CACNA1B: variants seen among roughly 807,000 people sequenced by gnomAD.
CACNA1B encodes the protein calcium voltage-gated channel subunit alpha1 B.
CACNA1B carries 70 observed loss-of-function variants against 247.2 expected under a neutral mutation model. The ratio of observed to expected loss-of-function variants is 0.28; its 90% CI spans 0.23 to 0.35. The LOEUF (loss-of-function observed/expected upper bound fraction) is 0.35, where lower values mean the gene tolerates loss of function less well. Ranked by LOEUF, CACNA1B falls within the 10% of genes least tolerant of loss-of-function variation. The probability of loss-of-function intolerance (pLI) is 1.00; values close to 1 mark genes in which losing one functional copy is unlikely to be tolerated. For synonymous variants in CACNA1B, 1,231 were observed against 1,294.4 expected (o/e 0.95, Z 1.05); for missense variants, 2,367 against 3,197.4 (o/e 0.74, Z 6.26).
chr9:138,037,257 C>T (rs569728316), intron 20 of CACNA1B, among the ~76,000 whole-genome samples: 15 of 152,370 alleles, frequency 9.8e-5, no homozygotes, highest in Admixed American at 3.3e-4. Context: ...CTATTGTGGA[C>T]CGTGGCCTCT....
intron 19 of CACNA1B, 104 bp from the exon 20 acceptor site, chr9:138,024,851 C>A: frequency 2.5e-6 from 2 of 785,706 alleles, no homozygotes; most frequent in South Asian, 1.6e-5. Flanking sequence ...CCAGGCTGGT[C>A]TTGAACTCCT....
intron 39 of CACNA1B, among the ~76,000 whole-genome samples, chr9:138,112,082 C>A (rs1191106080): frequency 6.6e-6 from 1 of 152,188 alleles, no homozygotes. Flanking sequence ...CCTCCTAAAT[C>A]CTCATTGCCC....
intron 15 of CACNA1B, among the ~76,000 whole-genome samples, chr9:137,994,238 A>G (rs569226207): frequency 2.0e-5 from 3 of 152,234 alleles, no homozygotes; most frequent in African/African-American, 7.2e-5. Flanking sequence ...CACAGCCAAC[A>G]TAATACTGAA....
chr9:138,064,926 G>T (rs1366632327), intron 31 of CACNA1B, among the ~76,000 whole-genome samples: 1 of 152,250 alleles, frequency 6.6e-6, no homozygotes, highest in African/African-American at 2.4e-5. Flanking sequence ...TGAGAAGCTG[G>T]TTGGCTCGTG....
intron 36 of CACNA1B, among the ~76,000 whole-genome samples, chr9:138,093,692 A>T (rs1408524295): frequency 6.6e-6 from 1 of 151,978 alleles, no homozygotes; most frequent in African/African-American, 2.4e-5. Flanking sequence ...GTGACCTGAG[A>T]TCACGCCACT....
chr9:137,951,240 G>A (rs533954312), intron 6 of CACNA1B, among the ~76,000 whole-genome samples: 3 of 152,306 alleles, frequency 2.0e-5, no homozygotes, highest in African/African-American at 7.2e-5. Flanking sequence ...TTCTGGTTTC[G>A]GATCCAGGAA....
intron 20 of CACNA1B, among the ~76,000 whole-genome samples, chr9:138,035,885 T>A (rs990243274): frequency 6.6e-6 from 1 of 152,234 alleles, no homozygotes; most frequent in Non-Finnish European, 1.5e-5. Context: ...TTTAGTTATA[T>A]ATTGAAAGTT....
chr9:138,103,705 C>T (rs1013379060), intron 38 of CACNA1B, among the ~76,000 whole-genome samples: 4 of 152,248 alleles, frequency 2.6e-5, no homozygotes, highest in East Asian at 1.9e-4. Flanking sequence ...CTCCGGCAAA[C>T]GGCCTGTGGT....
chr9:138,000,011 T>G (rs1039719154), intron 15 of CACNA1B, among the ~76,000 whole-genome samples: 15 of 151,276 alleles, frequency 9.9e-5, no homozygotes, highest in African/African-American at 2.9e-4. Context: ...AAGGGAGTCG[T>G]AACTATAGGA....
rs1262226358 is a variant in CACNA1B, at chr9:137,950,127, T to A, written c.967-2147T>A. Among the ~76,000 whole-genome samples, 1 of 152,180 alleles carries A rather than the reference T, an allele frequency of 6.6e-6. No homozygotes were observed. The highest frequency in any genetic ancestry group is 1.5e-5 in the Non-Finnish European group (1 of 68,034). ...AGAAGTCTAGGTTCCCCACTTGGCA[T>A]CTGTTGACTTATGGTAGCGTGTTCT... On this transcript the variant is annotated intron_variant, in intron 6 of 46. Transcript: ENST00000371372. This position sits in a 1 kb window ranked among gnomAD's most constrained non-coding sequence, Gnocchi z 4.8.
chr9:138,049,683 G>GGCAA (rs1241719250), intron 24 of CACNA1B, among the ~76,000 whole-genome samples: 1 of 152,206 alleles, frequency 6.6e-6, no homozygotes, highest in Non-Finnish European at 1.5e-5. Context: ...GGTCCTTGGA[G>GGCAA]GCAACTTCAC....
Position 138,059,324 on chromosome 9 carries a change from G to A in CACNA1B, c.4584+135G>A. 1 of 648,626 alleles carries A rather than the reference G, an allele frequency of 1.5e-6. No homozygotes were observed. 40.2% of individuals were successfully genotyped at this position (648,626 alleles called of 1,614,324 possible). A position where few individuals can be genotyped will look rare whatever the true frequency, so the allele number is the denominator to read the frequency against. The stretch of plus-strand genomic sequence containing the variant: ...CCAGAGTATATGTAATGCTACAGGG[G>A]CCCTGGGGAAGGGGCTGTTCTGAGA... On this transcript the variant is annotated intron_variant, in intron 30 of 46. Transcript: ENST00000371372. The surrounding 1 kb of genome is among the most constrained non-coding windows in gnomAD (Gnocchi z 4.2).
At position 138,000,211 on chromosome 9, in the gene CACNA1B, G is replaced by A. The variant is rs1004207469; in HGVS notation, c.1975-6556G>A. On this transcript the variant is annotated intron_variant, in intron 15 of 46. Coordinates refer to ENST00000371372, the MANE Select transcript of CACNA1B (RefSeq NM_000718.4). Reference sequence around the variant, plus strand: ...CCTCCCGGGTTCACGCCATTCTCCTGCCTCAGCCTCCCGAGTGGCTGGGAC... The same window carrying A: ...CCTCCCGGGTTCACGCCATTCTCCTACCTCAGCCTCCCGAGTGGCTGGGAC... Among the ~76,000 whole-genome samples the A allele has an allele frequency of 5.3e-5, 8 of 151,156 alleles. 1 individual carries two copies. The highest frequency in any genetic ancestry group is 1.5e-4 in the African/African-American group (6 of 41,024).
Position 138,014,018 on chromosome 9 carries a change from G to A in CACNA1B, c.2267+783G>A, listed in dbSNP as rs994085684. Among the ~76,000 whole-genome samples the A allele has an allele frequency of 1.3e-5, 2 of 152,260 alleles. No individual in the cohort carries two copies. Among genetic ancestry groups the A allele is most frequent in the Non-Finnish European group, 2.9e-5 (2 of 68,042 alleles). On this transcript the variant is annotated intron_variant, in intron 18 of 46. Coordinates refer to ENST00000371372, the MANE Select transcript of CACNA1B (RefSeq NM_000718.4). This position sits in a 1 kb window ranked among gnomAD's most constrained non-coding sequence, Gnocchi z 6.2. The stretch of plus-strand genomic sequence containing the variant: ...CTCCCATTCCCCATGCTGATGGGCG[G>A]GCCCCAGCTCTTCAGCCGGCCACCC...
intron 10 of CACNA1B, among the ~76,000 whole-genome samples, chr9:137,970,211 C>T (rs868397366): frequency 6.6e-6 from 1 of 152,184 alleles, no homozygotes; most frequent in South Asian, 2.1e-4. Flanking sequence ...ACAGGGACCC[C>T]ATGCTCAAGC....
rs565605511 is a variant in CACNA1B at position 138,085,552 on chromosome 9, C to G, written c.5094+7294C>G. Reference sequence around the variant, plus strand: ...AAGCTCAACAGTCCCCCAATAGATTCAACCAAAAAGGTTCTCCCCGGGACA... The same window carrying G: ...AAGCTCAACAGTCCCCCAATAGATTGAACCAAAAAGGTTCTCCCCGGGACA... On this transcript the variant is annotated intron_variant, in intron 36 of 46. Transcript: ENST00000371372. Among the ~76,000 whole-genome samples the G allele has an allele frequency of 2.0e-5, 3 of 151,248 alleles. 1 individual carries two copies. The highest frequency in any genetic ancestry group is 4.1e-4 in the East Asian group (2 of 4,900).
chr9:137,978,406 C>A (rs939991920), intron 12 of CACNA1B, among the ~76,000 whole-genome samples: 5 of 150,240 alleles, frequency 3.3e-5, no homozygotes, highest in Non-Finnish European at 7.4e-5. Context: ...CCCTGCCCCC[C>A]CCAGGAAGGA....
At chr9:138,115,133 C>T (rs1961808701) in intron 41 of CACNA1B, among the ~76,000 whole-genome samples, 1 of 152,184 alleles carries the variant, frequency 6.6e-6, no homozygotes, top group African/African-American at 2.4e-5. Context: ...CAGTCTTCCC[C>T]AGCCCTGAAA....
chr9:138,092,272 G>T (rs1254409913), intron 36 of CACNA1B, among the ~76,000 whole-genome samples: 1 of 152,124 alleles, frequency 6.6e-6, no homozygotes, highest in Non-Finnish European at 1.5e-5. Flanking sequence ...AGGAGACCAG[G>T]GCGTATTTCA....
Sources: gnomAD v4.1 joint callset for allele counts (sites outside exome capture counted in the v4.1 genomes callset) on GRCh38, gnomAD v4.1.1 for gene constraint, Gnocchi (gnomAD v3.1) non-coding constraint, MANE v1.5 for transcripts, NCBI Gene and HGNC (gene_info 2026-07-23, HGNC 2026-07-21) for gene names.